The following SCIN variants were observed in gnomAD, a reference collection of about 807,000 sequenced individuals.
The protein encoded by SCIN is adseverin.
Under a neutral mutation model 91.8 loss-of-function variants are expected in SCIN, and 91 were observed. That is an observed-to-expected ratio of 0.99 (90% CI 0.84 to 1.18). The LOEUF (loss-of-function observed/expected upper bound fraction) is 1.18. SCIN is among the 50% of genes most tolerant of loss of function. The pLI is 0.00. For missense variants in SCIN, 1,087 were observed against 863.9 expected, an observed-to-expected ratio of 1.26 and a Z score of -3.24; for synonymous variants, 367 against 312.6, an observed-to-expected ratio of 1.17 and a Z score of -1.84.
chr7:12,628,989 A>T, intron 8 of SCIN, 112 bp from the exon 9 acceptor site: 1 of 900,980 alleles, frequency 1.1e-6, no homozygotes, highest in Non-Finnish European at 1.6e-6. Flanking sequence ...GTTAATAAAT[A>T]ATTTAAAAGT....
chr7:12,656,518 A>G lies in SCIN; in HGVS notation c.*3803A>G, dbSNP rs1159603497. ...TTAAAAGCCTACAAATGCCCCGCAT[A>G]TGTAGAATTATCATTCATTCCGTGT... On this transcript the variant is annotated 3_prime_UTR_variant, in exon 16 of 16. Transcript: ENST00000297029. 2 of 152,244 alleles carry G rather than the reference A, an allele frequency of 1.3e-5. No homozygotes were observed. The highest frequency in any genetic ancestry group is 2.9e-5 in the Non-Finnish European group (2 of 68,048). 9.4% of individuals were successfully genotyped at this position (152,244 alleles called of 1,614,324 possible). A position where few individuals can be genotyped will look rare whatever the true frequency, so the allele number is the denominator to read the frequency against.
intron 3 of SCIN, among the ~76,000 whole-genome samples, chr7:12,593,666 T>G (rs1464904689): frequency 6.6e-6 from 1 of 152,016 alleles, no homozygotes; most frequent in African/African-American, 2.4e-5. Context: ...TGTCTTTAAG[T>G]TTTTCAAAAT....
intron 3 of SCIN, among the ~76,000 whole-genome samples, chr7:12,593,910 A>G (rs2115235206): frequency 6.6e-6 from 1 of 152,334 alleles, no homozygotes; most frequent in South Asian, 2.1e-4. Flanking sequence ...GAGAGGATAA[A>G]GTAGAGATCA....
intron 4 of SCIN, among the ~76,000 whole-genome samples, chr7:12,614,857 C>T (rs1286189589): frequency 6.6e-6 from 1 of 152,130 alleles, no homozygotes; most frequent in Non-Finnish European, 1.5e-5. Flanking sequence ...AATAATGCCA[C>T]CATGTAGAGA....
chr7:12,627,363 A>G (rs1783548440), intron 8 of SCIN, among the ~76,000 whole-genome samples: 1 of 151,998 alleles, frequency 6.6e-6, no homozygotes, highest in South Asian at 2.1e-4. Context: ...ATCACAAGCC[A>G]TACCTTTTCT....
chr7:12,572,841 G>A (rs372915849), intron 1 of SCIN, among the ~76,000 whole-genome samples: 1 of 152,126 alleles, frequency 6.6e-6, no homozygotes, highest in South Asian at 2.1e-4. Context: ...AATATGGCCA[G>A]TACTGTACAA....
chr7:12,583,042 C>T (rs1436149947), intron 3 of SCIN, among the ~76,000 whole-genome samples: 1 of 151,622 alleles, frequency 6.6e-6, no homozygotes, highest in East Asian at 1.9e-4. Flanking sequence ...CGCGAGGGTC[C>T]CTTAACCAGA....
chr7:12,650,728 T>C (rs928105411), intron 14 of SCIN, among the ~76,000 whole-genome samples: 1 of 152,206 alleles, frequency 6.6e-6, no homozygotes, highest in Admixed American at 6.5e-5. Context: ...TATATACAGA[T>C]TGTATAATTA....
chr7:12,594,601 G>A (rs942289089), intron 3 of SCIN, among the ~76,000 whole-genome samples: 3 of 152,148 alleles, frequency 2.0e-5, no homozygotes, highest in Non-Finnish European at 4.4e-5. Flanking sequence ...TCCCTGAACG[G>A]AGGCCGAGAG....
chr7:12,581,353 T>A, intron 3 of SCIN, 132 bp downstream of exon 3: 2 of 819,260 alleles, frequency 2.4e-6, no homozygotes, highest in South Asian at 2.0e-5. Context: ...GTGAGCTGAG[T>A]AATTGCCAAG....
chr7:12,609,465 C>T lies in SCIN; in HGVS notation c.666+4802C>T, dbSNP rs567723286. On this transcript the variant is annotated intron_variant, in intron 4 of 15. Coordinates refer to ENST00000297029, the MANE Select transcript of SCIN (RefSeq NM_001112706.3). ...ATTTCACTAGCCCTAAGGTCCCAAA[C>T]TTTATTCCTTGATTAATCGTTTTGT... 2.6e-5 allele frequency among the ~76,000 whole-genome samples: 4 copies of T among 152,080 alleles called. No individual in the cohort carries two copies. The East Asian group carries it at 5.8e-4, about 22-fold the overall frequency.
At chr7:12,574,044 G>T (rs1782321180) in intron 1 of SCIN, among the ~76,000 whole-genome samples, 1 of 152,090 alleles carries the variant, frequency 6.6e-6, no homozygotes, top group Non-Finnish European at 1.5e-5. Flanking sequence ...TGCATTCATA[G>T]GTATTTATTC....
chr7:12,622,675 T>C (rs1266674498), intron 4 of SCIN, 126 bp from the exon 5 acceptor site: 1 of 654,598 alleles, frequency 1.5e-6, no homozygotes, highest in Non-Finnish European at 2.6e-6. Flanking sequence ...TGATGAGAAG[T>C]GTTTGAGCCT....
chr7:12,656,505 A>G lies in SCIN; in HGVS notation c.*3790A>G, dbSNP rs1287076774. The G allele has an allele frequency of 6.6e-6, 1 of 152,238 alleles. No individual in the cohort carries two copies. Among genetic ancestry groups the G allele is most frequent in the Non-Finnish European group, 1.5e-5 (1 of 68,050 alleles). The allele number at this position is 152,238 out of a possible 1,614,324, so 9.4% of individuals were successfully genotyped here. On this transcript the variant is annotated 3_prime_UTR_variant, in exon 16 of 16. Coordinates refer to ENST00000297029, the MANE Select transcript of SCIN (RefSeq NM_001112706.3). Reference sequence around the variant, plus strand: ...ACTGAACTTGAATTTAAAAGCCTACAAATGCCCCGCATATGTAGAATTATC... The same window carrying G: ...ACTGAACTTGAATTTAAAAGCCTACGAATGCCCCGCATATGTAGAATTATC...
At chr7:12,576,409 A>C (rs1782373630) in intron 1 of SCIN, among the ~76,000 whole-genome samples, 2 of 151,298 alleles carry the variant, frequency 1.3e-5, no homozygotes, top group Admixed American at 1.3e-4. Context: ...TTGGTATATG[A>C]GTCTCATTTG....
chr7:12,598,054 C>A (rs1216360771), intron 3 of SCIN, among the ~76,000 whole-genome samples: 2 of 151,998 alleles, frequency 1.3e-5, no homozygotes, highest in African/African-American at 4.8e-5. Flanking sequence ...AAATAGTTGC[C>A]CCTGAAACTG....
At chr7:12,575,681 A>G (rs955606509) in intron 1 of SCIN, among the ~76,000 whole-genome samples, 1 of 152,220 alleles carries the variant, frequency 6.6e-6, no homozygotes, top group African/African-American at 2.4e-5. Flanking sequence ...ATAACACGGC[A>G]CAGCATAGTA....
chr7:12,644,946 C>T (rs1292116564), intron 13 of SCIN, among the ~76,000 whole-genome samples: 4 of 141,300 alleles, frequency 2.8e-5, no homozygotes, highest in Non-Finnish European at 4.5e-5. Context: ...ACCCAGGAGG[C>T]GGAGGTTGCA....
intron 4 of SCIN, among the ~76,000 whole-genome samples, chr7:12,608,537 G>T (rs898295590): frequency 2.0e-5 from 3 of 152,038 alleles, no homozygotes; most frequent in African/African-American, 7.2e-5. Flanking sequence ...GAGTGCAGTG[G>T]TACGGTCTCG....
Sources: allele counts gnomAD v4.1 joint callset (sites outside exome capture counted in the v4.1 genomes callset), GRCh38; gene constraint gnomAD v4.1.1; transcripts MANE v1.5; gene names NCBI Gene and HGNC (gene_info 2026-07-23, HGNC 2026-07-21).